ZNF618: variants seen among roughly 807,000 people sequenced by gnomAD.
The protein encoded by ZNF618 is neural precursor cell expressed, developmentally down-regulated 10.
ZNF618 carries 34 observed loss-of-function variants against 103.0 expected under a neutral mutation model. The observed-to-expected ratio is 0.33, with a 90% CI of 0.25 to 0.44. The LOEUF is 0.44. Among genes scored for constraint, ZNF618 ranks in the 20% least tolerant of loss-of-function variants. ZNF618 has a pLI of 1.00. For synonymous variants in ZNF618, 551 were observed against 542.2 expected (o/e 1.02, Z -0.23); for missense variants, 1,059 against 1,295.4 (o/e 0.82, Z 2.80).
intron 2 of ZNF618, among the ~76,000 whole-genome samples, chr9:113,978,407 A>G (rs771340777): frequency 7.9e-5 from 12 of 151,960 alleles, no homozygotes; most frequent in Non-Finnish European, 1.6e-4. Context: ...GCAGCATTTG[A>G]AAACACATCA....
At chr9:114,007,578 G>T (rs1313410472) in intron 7 of ZNF618, 139 bp downstream of exon 7, 5 of 732,974 alleles carry the variant, frequency 6.8e-6, no homozygotes, top group Non-Finnish European at 1.1e-5. Context: ...TGAGGGGAAT[G>T]ACCAGCCCTG....
intron 1 of ZNF618, among the ~76,000 whole-genome samples, chr9:113,885,681 T>C (rs1449428934): frequency 6.6e-6 from 1 of 152,220 alleles, no homozygotes; most frequent in Non-Finnish European, 1.5e-5. Context: ...CTTGTTCATC[T>C]GTTTAGTGGG....
chr9:113,979,974 G>A (rs1170192902), intron 2 of ZNF618, among the ~76,000 whole-genome samples: 1 of 152,156 alleles, frequency 6.6e-6, no homozygotes, highest in Non-Finnish European at 1.5e-5. Flanking sequence ...TTACAAGACA[G>A]GAGAAAGGGG....
intron 1 of ZNF618, among the ~76,000 whole-genome samples, chr9:113,885,674 G>C (rs1828998502): frequency 6.6e-6 from 1 of 152,136 alleles, no homozygotes; most frequent in African/African-American, 2.4e-5. Context: ...GCCTCTACTT[G>C]TTCATCTGTT....
At chr9:114,021,589 T>C (rs1474841571) in intron 10 of ZNF618, among the ~76,000 whole-genome samples, 1 of 152,086 alleles carries the variant, frequency 6.6e-6, no homozygotes. Flanking sequence ...AAGTATATTG[T>C]CATATAATAA....
intron 9 of ZNF618, chr9:114,016,127 T>C: frequency 6.2e-7 from 1 of 1,612,856 alleles, no homozygotes; most frequent in East Asian, 2.2e-5. Context: ...CAATATTACA[T>C]CAGACATTTT....
At chr9:113,950,210 C>T (rs892781118) in intron 1 of ZNF618, among the ~76,000 whole-genome samples, 1 of 152,188 alleles carries the variant, frequency 6.6e-6, no homozygotes, top group African/African-American at 2.4e-5. Context: ...TGCTGGCAGG[C>T]TGGCATCTCT....
chr9:113,926,230 T>C (rs1833081588), intron 1 of ZNF618, among the ~76,000 whole-genome samples: 1 of 151,148 alleles, frequency 6.6e-6, no homozygotes, highest in Non-Finnish European at 1.5e-5. Flanking sequence ...AGAAATCCAA[T>C]GTAATTCTTA....
Position 114,016,804 on chromosome 9 carries a change from A to G in ZNF618, c.844+20A>G. The G allele has an allele frequency of 1.3e-6, 2 of 1,595,394 alleles. No homozygotes were observed. On this transcript the variant is annotated intron_variant, in intron 10 of 14. Coordinates refer to ENST00000374126, the MANE Select transcript of ZNF618 (RefSeq NM_001318042.2). ...CCATCAGTGAGTACCTCCTCCCGGT[A>G]GGGATGGGGGTTGGGGGACCCGGGA...
At position 113,943,306 on chromosome 9, in the gene ZNF618, G is replaced by T. The variant is rs1834714236; in HGVS notation, c.34-25811G>T. Among the ~76,000 whole-genome samples the T allele has an allele frequency of 1.3e-5, 2 of 152,204 alleles. 1 individual carries two copies. Among genetic ancestry groups the T allele is most frequent in the Admixed American group, 1.3e-4 (2 of 15,282 alleles). On this transcript the variant is annotated intron_variant, in intron 1 of 14. Transcript: ENST00000374126. ...AGCCAGAGGGTCAGGAAAGCTTGCGGCTGGGAGAAGATTGTTGGGTGAGGA... is the reference window on the plus strand; with the variant it reads ...AGCCAGAGGGTCAGGAAAGCTTGCGTCTGGGAGAAGATTGTTGGGTGAGGA...
intron 1 of ZNF618, among the ~76,000 whole-genome samples, chr9:113,888,041 G>T (rs1014266903): frequency 6.7e-6 from 1 of 148,322 alleles, no homozygotes; most frequent in Non-Finnish European, 1.5e-5. Context: ...AGTAGGGTTT[G>T]TTTTTTTTTT....
intron 1 of ZNF618, among the ~76,000 whole-genome samples, chr9:113,883,311 T>C (rs930670440): frequency 1.3e-5 from 2 of 152,244 alleles, no homozygotes; most frequent in Admixed American, 1.3e-4. Context: ...ATTTTTAAAA[T>C]GTTCGTCTGA....
chr9:114,016,941 C>A, intron 10 of ZNF618, 157 bp downstream of exon 10: 1 of 613,944 alleles, frequency 1.6e-6, no homozygotes, highest in Non-Finnish European at 2.9e-6. Flanking sequence ...CCCAGGGCCA[C>A]CTGTCTACAG....
chr9:113,919,943 G>C (rs529901374), intron 1 of ZNF618, among the ~76,000 whole-genome samples: 1 of 152,232 alleles, frequency 6.6e-6, no homozygotes, highest in Non-Finnish European at 1.5e-5. Context: ...TGCCATCCTC[G>C]TGGGTGGGGA....
chr9:113,962,029 T>A (rs1392552366), intron 1 of ZNF618, among the ~76,000 whole-genome samples: 1 of 152,204 alleles, frequency 6.6e-6, no homozygotes, highest in African/African-American at 2.4e-5. Context: ...GATAAGTCAC[T>A]TAGCCCCTCC....
In ZNF618 at chr9:114,034,078, G is replaced by A. The variant is rs537842952; in HGVS notation, c.1168+1350G>A. 1.7e-4 allele frequency among the ~76,000 whole-genome samples: 26 copies of A among 152,318 alleles called. 1 individual carries two copies. In the East Asian group the frequency reaches 4.4e-3, roughly 26 times the overall value. On this transcript the variant is annotated intron_variant, in intron 12 of 14. Transcript: ENST00000374126. ...TGGCTTGATGAACACACACAGCCCC[G>A]TGGTGGTTGTGAACATTCAGTGAGT...
intron 2 of ZNF618, among the ~76,000 whole-genome samples, chr9:113,972,575 G>A (rs890518349): frequency 3.3e-5 from 5 of 152,032 alleles, no homozygotes; most frequent in African/African-American, 4.8e-5. Context: ...CAGTTAACAC[G>A]TGTTACAGGA....
At chr9:114,034,474 C>T (rs139918603) in intron 12 of ZNF618, among the ~76,000 whole-genome samples, 98 of 152,282 alleles carry the variant, frequency 6.4e-4, no homozygotes, top group African/African-American at 2.1e-3. Context: ...ATTGATTGAG[C>T]GCTTACTGTG....
Position 114,023,696 on chromosome 9 carries a change from C to A in ZNF618, c.845-5037C>A, listed in dbSNP as rs116899147. ...CTCTAAGCTGAAGATGTTTTTATTT[C>A]ACATATTTTTTTGAAGGATTTTTTT... On this transcript the variant is annotated intron_variant, in intron 10 of 14. Coordinates refer to ENST00000374126, the MANE Select transcript of ZNF618 (RefSeq NM_001318042.2). 6.7e-3 allele frequency among the ~76,000 whole-genome samples: 1,014 copies of A among 152,038 alleles called. 6 individuals are homozygous for A. The highest frequency in any genetic ancestry group is 0.01 in the Middle Eastern group (3 of 294).
Sources: allele counts gnomAD v4.1 joint callset (sites outside exome capture counted in the v4.1 genomes callset), GRCh38; gene constraint gnomAD v4.1.1; transcripts MANE v1.5; gene names NCBI Gene and HGNC (gene_info 2026-07-23, HGNC 2026-07-21).